SLC8A1: variants seen among roughly 807,000 people sequenced by gnomAD.
The protein encoded by SLC8A1 is solute carrier family 8 member A1.
A neutral mutation model predicts 68.3 loss-of-function variants in SLC8A1; 18 were observed. The observed-to-expected ratio is 0.26, with a 90% CI of 0.18 to 0.39. The LOEUF is 0.39. SLC8A1 is among the 10% of genes least tolerant of loss of function. SLC8A1 has a pLI of 1.00. For synonymous variants in SLC8A1, 475 were observed against 415.5 expected (o/e 1.14, Z -1.74); for missense variants, 985 against 1,156.7 (o/e 0.85, Z 2.15).
intron 2 of SLC8A1, among the ~76,000 whole-genome samples, chr2:40,392,272 G>C (rs1036260538): frequency 4.0e-5 from 6 of 151,230 alleles, no homozygotes; most frequent in African/African-American, 1.5e-4. Flanking sequence ...AAGCAAGCAA[G>C]CAAGAAAACC....
In SLC8A1 at chr2:40,245,866, T is replaced by C. The variant is rs868364326; in HGVS notation, c.1809-68011A>G. The stretch of plus-strand genomic sequence containing the variant: ...ATATCAGACTGTTGACTGCTTTATA[T>C]ACATTACTTTCATTCGAGACTCATT... On this transcript the variant is annotated intron_variant, in intron 2 of 7. Transcript: ENST00000406785. 1.3e-5 allele frequency among the ~76,000 whole-genome samples: 2 copies of C among 152,184 alleles called. 1 individual carries two copies. Among genetic ancestry groups the C allele is most frequent in the South Asian group, 4.1e-4 (2 of 4,826 alleles).
chr2:40,254,488 C>G (rs1288032679), intron 2 of SLC8A1: 18 of 115,072 alleles, frequency 1.6e-4, no homozygotes, highest in Admixed American at 1.4e-3. Flanking sequence ...GAATTACTCT[C>G]TTGAACTCTT....
chr2:40,184,572 C>T (rs539041351), intron 2 of SLC8A1, among the ~76,000 whole-genome samples: 119 of 152,146 alleles, frequency 7.8e-4, no homozygotes, highest in African/African-American at 2.7e-3. Context: ...GGAGCTCTGG[C>T]GATACGTTTT....
chr2:40,241,890 A>G (rs962636716), intron 2 of SLC8A1, among the ~76,000 whole-genome samples: 2 of 151,952 alleles, frequency 1.3e-5, no homozygotes, highest in South Asian at 2.1e-4. Context: ...TTTTTTTCTT[A>G]TTCTAAAAAC....
intron 1 of SLC8A1, among the ~76,000 whole-genome samples, chr2:40,505,994 C>G (rs947694159): frequency 1.3e-5 from 2 of 151,912 alleles, no homozygotes; most frequent in African/African-American, 4.8e-5. Flanking sequence ...TTGAACATAA[C>G]AAGCTTGCGC....
At chr2:40,255,705 G>A (rs903793319) in intron 2 of SLC8A1, among the ~76,000 whole-genome samples, 2 of 152,104 alleles carry the variant, frequency 1.3e-5, no homozygotes, top group Non-Finnish European at 2.9e-5. Context: ...AGAGTTTGAG[G>A]GTATCTCCTC....
intron 3 of SLC8A1, 72 bp from the exon 4 acceptor site, chr2:40,175,353 A>G: frequency 1.3e-6 from 2 of 1,484,412 alleles, no homozygotes; most frequent in Non-Finnish European, 1.9e-6. Flanking sequence ...GAGGAATATC[A>G]GCAGAAAGAA....
intron 2 of SLC8A1, among the ~76,000 whole-genome samples, chr2:40,216,328 C>T (rs1215681906): frequency 6.6e-6 from 1 of 152,124 alleles, no homozygotes; most frequent in African/African-American, 2.4e-5. Context: ...TTGCAAAGGA[C>T]ATGATCTCAT....
At chr2:40,319,645 G>A (rs891810616) in intron 2 of SLC8A1, among the ~76,000 whole-genome samples, 1 of 152,036 alleles carries the variant, frequency 6.6e-6, no homozygotes, top group Non-Finnish European at 1.5e-5. Flanking sequence ...CTGTCACAAA[G>A]CTCCTCCTTA....
At chr2:40,435,993 G>A (rs1699340166) in intron 1 of SLC8A1, among the ~76,000 whole-genome samples, 1 of 138,626 alleles carries the variant, frequency 7.2e-6, no homozygotes, top group East Asian at 2.2e-4. Flanking sequence ...TCACCATGTT[G>A]AACTCCTGAC....
chr2:40,490,831 C>A (rs1244394948), intron 1 of SLC8A1, among the ~76,000 whole-genome samples: 1 of 152,004 alleles, frequency 6.6e-6, no homozygotes, highest in Non-Finnish European at 1.5e-5. Context: ...CCAGTTGGAA[C>A]ATACGGGAAA....
At chr2:40,143,236 A>G (rs1309077206) in intron 6 of SLC8A1, among the ~76,000 whole-genome samples, 3 of 152,178 alleles carry the variant, frequency 2.0e-5, no homozygotes, top group African/African-American at 7.2e-5. Context: ...AGGACAAAGA[A>G]ATATCATGTT....
chr2:40,116,896 AG>A (rs2125077493), intron 7 of SLC8A1: 1 of 152,338 alleles, frequency 6.6e-6, no homozygotes, highest in African/African-American at 2.4e-5. Flanking sequence ...ACAGGGGTTT[AG>A]AGCACATTTG....
chr2:40,440,800 T>C (rs1700321216), intron 1 of SLC8A1, among the ~76,000 whole-genome samples: 1 of 152,194 alleles, frequency 6.6e-6, no homozygotes, highest in African/African-American at 2.4e-5. Flanking sequence ...GAGCTACTTA[T>C]GGCAAGCCAA....
intron 1 of SLC8A1, among the ~76,000 whole-genome samples, chr2:40,502,112 C>A (rs1706094114): frequency 6.6e-6 from 1 of 152,036 alleles, no homozygotes; most frequent in Non-Finnish European, 1.5e-5. Flanking sequence ...TGGATATAGA[C>A]AGAAAAGCAA....
chr2:40,232,408 T>C (rs1408741152), intron 2 of SLC8A1, among the ~76,000 whole-genome samples: 1 of 90,674 alleles, frequency 1.1e-5, no homozygotes, highest in Non-Finnish European at 3.2e-5. Context: ...TTTTTTTGTC[T>C]TCAGTTTTTT....
At chr2:40,390,296 A>G (rs1363744085) in intron 2 of SLC8A1, among the ~76,000 whole-genome samples, 1 of 152,042 alleles carries the variant, frequency 6.6e-6, no homozygotes, top group Admixed American at 6.6e-5. Flanking sequence ...GGAATCATAT[A>G]ATTATTTACC....
At chr2:40,419,955 C>T (rs1425276955) in intron 2 of SLC8A1, among the ~76,000 whole-genome samples, 1 of 151,998 alleles carries the variant, frequency 6.6e-6, no homozygotes, top group Non-Finnish European at 1.5e-5. Flanking sequence ...TTAATAAAAC[C>T]ACCTTGTTCG....
rs777147875 is a variant in SLC8A1, at chr2:40,429,652, C to G, written c.629G>C (p.Trp210Ser). 13 of 1,613,610 alleles carry G rather than the reference C, an allele frequency of 8.1e-6. No individual in the cohort carries two copies. The East Asian group carries it at 2.7e-4, about 33-fold the overall frequency. Residue 210 changes from tryptophan to serine, a missense_variant, in exon 2 of 8, where the codon TGG becomes TCG. Coordinates refer to ENST00000406785, the Ensembl canonical transcript of SLC8A1. ...AAGCCAGGTGTAGGCAAAGATGCTC[C>G]AGGCTGCTGTCACAAAGAAGACACG... is the stretch of plus-strand genomic sequence containing the variant.
Sources: allele counts gnomAD v4.1 joint callset (sites outside exome capture counted in the v4.1 genomes callset), GRCh38; gene constraint gnomAD v4.1.1; transcripts MANE v1.5; gene names NCBI Gene and HGNC (gene_info 2026-07-23, HGNC 2026-07-21).